Variants in EBF1 observed in about 807,000 individuals in gnomAD.
EBF1 encodes EBF transcription factor 1, also known as transcription factor COE1.
Under a neutral mutation model 68.4 loss-of-function variants are expected in EBF1, and 10 were observed. The ratio of observed to expected loss-of-function variants is 0.15; its 90% CI spans 0.09 to 0.25. The LOEUF is 0.25. EBF1 is among the 10% of genes least tolerant of loss of function. EBF1 has a pLI of 1.00. For missense variants in EBF1, 509 were observed against 794.4 expected (o/e 0.64, Z 4.32); for synonymous variants, 298 against 299.8 (o/e 0.99, Z 0.06).
chr5:158,792,892 A>C (rs990165442), intron 9 of EBF1, among the ~76,000 whole-genome samples: 2 of 152,198 alleles, frequency 1.3e-5, no homozygotes, highest in African/African-American at 2.4e-5. Context: ...GTACATGCCA[A>C]TTCTACCTGA....
intron 8 of EBF1, among the ~76,000 whole-genome samples, chr5:158,800,146 G>A (rs1232009277): frequency 3.9e-5 from 6 of 152,218 alleles, no homozygotes; most frequent in Non-Finnish European, 8.8e-5. Context: ...AGAATACTAG[G>A]AGTGTCATTA....
chr5:158,964,980 C>G (rs1050794609), intron 6 of EBF1, among the ~76,000 whole-genome samples: 3 of 152,168 alleles, frequency 2.0e-5, no homozygotes, highest in African/African-American at 7.2e-5. Context: ...ACATGTGATG[C>G]GTCAAACAAA....
chr5:159,095,506 C>A, intron 4 of EBF1, 114 bp downstream of exon 4: 1 of 1,259,678 alleles, frequency 7.9e-7, no homozygotes. Flanking sequence ...TGAGCCGCCC[C>A]CGCTGGCTTT....
intron 11 of EBF1, among the ~76,000 whole-genome samples, chr5:158,724,928 T>C (rs1362212170): frequency 6.6e-6 from 1 of 152,188 alleles, no homozygotes; most frequent in Non-Finnish European, 1.5e-5. Flanking sequence ...AACATTCACT[T>C]TCAATATAGA....
intron 8 of EBF1, among the ~76,000 whole-genome samples, chr5:158,798,632 G>T (rs1047666579): frequency 2.6e-5 from 4 of 152,142 alleles, no homozygotes; most frequent in African/African-American, 9.7e-5. Context: ...AGTCACGTGG[G>T]TGTACATGCA....
At chr5:158,956,028 ATGTGTGTGTGTG>A (rs56311243) in intron 6 of EBF1, among the ~76,000 whole-genome samples, 4,047 of 141,124 alleles carry the variant, frequency 0.029, 72 homozygotes, top group African/African-American at 0.048. Flanking sequence ...ATAAATATAA[ATGTGTGTGTGTG>A]TGTGTGTGTG....
intron 6 of EBF1, among the ~76,000 whole-genome samples, chr5:158,992,839 GT>G (rs577768399): frequency 8.0e-5 from 12 of 149,124 alleles, no homozygotes; most frequent in Non-Finnish European, 1.5e-4. Flanking sequence ...TACTGTGCTT[GT>G]CTATTTTGCT....
chr5:159,092,409 C>T (rs1223266557), intron 4 of EBF1, among the ~76,000 whole-genome samples: 6 of 152,120 alleles, frequency 3.9e-5, no homozygotes, highest in Admixed American at 3.9e-4. Context: ...TAAGGGATCT[C>T]AGATTCTTAT....
chr5:159,060,862 G>T (rs1421450891), intron 6 of EBF1, among the ~76,000 whole-genome samples: 5 of 151,828 alleles, frequency 3.3e-5, no homozygotes, highest in African/African-American at 1.2e-4. Flanking sequence ...TACTGTGCTT[G>T]TCAGATAAAA....
chr5:159,009,386 A>C (rs977666293), intron 6 of EBF1, among the ~76,000 whole-genome samples: 4 of 152,204 alleles, frequency 2.6e-5, no homozygotes, highest in African/African-American at 9.6e-5. Context: ...GATTGTGTGG[A>C]ACTTGACAAA....
At chr5:159,075,507 A>C (rs1778606304) in intron 5 of EBF1, among the ~76,000 whole-genome samples, 1 of 152,212 alleles carries the variant, frequency 6.6e-6, no homozygotes, top group Non-Finnish European at 1.5e-5. Flanking sequence ...AATGTCCTCC[A>C]GGAACTCCTC....
chr5:158,930,275 T>C (rs143215778), intron 6 of EBF1, among the ~76,000 whole-genome samples: 1 of 149,368 alleles, frequency 6.7e-6, no homozygotes. Context: ...TTTTTTTGTT[T>C]GTTTTTTTTT....
chr5:158,980,299 G>A (rs1013383910), intron 6 of EBF1, among the ~76,000 whole-genome samples: 1 of 152,132 alleles, frequency 6.6e-6, no homozygotes, highest in Non-Finnish European at 1.5e-5. Flanking sequence ...AGCTTTGTTG[G>A]GAATGCTAGC....
intron 6 of EBF1, among the ~76,000 whole-genome samples, chr5:159,001,208 T>C (rs1221400530): frequency 6.6e-6 from 1 of 152,224 alleles, no homozygotes; most frequent in Non-Finnish European, 1.5e-5. Flanking sequence ...TTATAAACTG[T>C]GTTTATGTTA....
intron 6 of EBF1, among the ~76,000 whole-genome samples, chr5:158,886,004 G>T (rs998390438): frequency 6.6e-6 from 1 of 152,170 alleles, no homozygotes; most frequent in African/African-American, 2.4e-5. Flanking sequence ...TTGTTCTAAG[G>T]CAGGAGGAGG....
chr5:158,812,207 T>C (rs1200449227), intron 8 of EBF1, among the ~76,000 whole-genome samples: 1 of 152,200 alleles, frequency 6.6e-6, no homozygotes, highest in East Asian at 1.9e-4. Context: ...AGATGAATGA[T>C]TGAATGAATA....
chr5:158,883,480 CAG>C (rs2128095325), intron 6 of EBF1, among the ~76,000 whole-genome samples: 1 of 151,862 alleles, frequency 6.6e-6, no homozygotes, highest in African/African-American at 2.4e-5. Flanking sequence ...CCAGGTGATG[CAG>C]AGAGTTAATA....
intron 6 of EBF1, among the ~76,000 whole-genome samples, chr5:158,997,802 G>T (rs1355949981): frequency 6.6e-6 from 1 of 152,146 alleles, no homozygotes; most frequent in East Asian, 1.9e-4. Context: ...CTCTACAGCA[G>T]GCTCTCCCTC....
intron 6 of EBF1, among the ~76,000 whole-genome samples, chr5:158,962,040 T>C (rs979412620): frequency 3.3e-5 from 5 of 152,182 alleles, no homozygotes; most frequent in African/African-American, 1.2e-4. Flanking sequence ...CATCTTTCCA[T>C]ACAAACGCTG....
Sources: gnomAD v4.1 joint callset for allele counts (sites outside exome capture counted in the v4.1 genomes callset) on GRCh38, gnomAD v4.1.1 for gene constraint, MANE v1.5 for transcripts, NCBI Gene and HGNC (gene_info 2026-07-23, HGNC 2026-07-21) for gene names.